The following RABGAP1L variants were observed in gnomAD, a reference collection of about 807,000 sequenced individuals.
The protein encoded by RABGAP1L is rab GTPase-activating protein 1-like.
A neutral mutation model predicts 137.7 loss-of-function variants in RABGAP1L; 63 were observed. The observed-to-expected ratio is 0.46, with a 90% CI of 0.37 to 0.56. The LOEUF (loss-of-function observed/expected upper bound fraction) is 0.56. RABGAP1L is among the 20% of genes least tolerant of loss of function. RABGAP1L has a pLI of 0.00. For missense variants in RABGAP1L, 1,095 were observed against 1,244.0 expected (o/e 0.88, Z 1.80); for synonymous variants, 431 against 433.7 (o/e 0.99, Z 0.08).
intron 1 of RABGAP1L, among the ~76,000 whole-genome samples, chr1:174,204,093 G>A (rs61828577): frequency 0.13 from 19,198 of 152,052 alleles, 1,311 homozygotes; most frequent in East Asian, 0.22. Context: ...TGGGATTTCA[G>A]GCATGTGCCA....
At chr1:174,232,266 G>T (rs1670724446) in intron 4 of RABGAP1L, among the ~76,000 whole-genome samples, 1 of 152,174 alleles carries the variant, frequency 6.6e-6, no homozygotes, top group African/African-American at 2.4e-5. Flanking sequence ...CCAGCACTTT[G>T]GGAGGCTGAG....
At chr1:174,872,664 G>A (rs547015093) in intron 19 of RABGAP1L, among the ~76,000 whole-genome samples, 10 of 151,134 alleles carry the variant, frequency 6.6e-5, no homozygotes, top group Non-Finnish European at 1.5e-4. Context: ...TGGGTTCCCC[G>A]CAAATAGCTG....
At chr1:174,714,390 T>A (rs1362382932) in intron 17 of RABGAP1L, among the ~76,000 whole-genome samples, 3 of 152,168 alleles carry the variant, frequency 2.0e-5, no homozygotes, top group Non-Finnish European at 4.4e-5. Flanking sequence ...GATTATAAAT[T>A]TCTGAAAGGA....
At chr1:174,850,791 T>C (rs1290940979) in intron 19 of RABGAP1L, among the ~76,000 whole-genome samples, 3 of 152,228 alleles carry the variant, frequency 2.0e-5, no homozygotes, top group Non-Finnish European at 4.4e-5. Context: ...TCGAATCATA[T>C]GAGCCTTGAA....
intron 19 of RABGAP1L, among the ~76,000 whole-genome samples, chr1:174,937,670 T>G (rs1211568818): frequency 7.4e-6 from 1 of 134,288 alleles, no homozygotes; most frequent in African/African-American, 3.2e-5. Flanking sequence ...TGTATTACAG[T>G]GCTTGGTGCT....
chr1:174,164,316 G>A (rs189549715), intron 1 of RABGAP1L, among the ~76,000 whole-genome samples: 80 of 152,224 alleles, frequency 5.3e-4, no homozygotes, highest in Admixed American at 2.0e-3. Flanking sequence ...AGAGACATCT[G>A]TAACCAAGAG....
At chr1:174,760,266 C>G (rs1162540985) in intron 18 of RABGAP1L, among the ~76,000 whole-genome samples, 1 of 151,804 alleles carries the variant, frequency 6.6e-6, no homozygotes, top group East Asian at 1.9e-4. Flanking sequence ...GTTTGGTATA[C>G]AGATTATTTC....
At chr1:174,740,342 G>A (rs974178567) in intron 17 of RABGAP1L, among the ~76,000 whole-genome samples, 3 of 152,136 alleles carry the variant, frequency 2.0e-5, no homozygotes, top group Non-Finnish European at 4.4e-5. Flanking sequence ...AGAAGAGAAA[G>A]GGTCCCCAAA....
At chr1:174,966,554 C>A (rs79328856) in intron 20 of RABGAP1L, among the ~76,000 whole-genome samples, 6 of 152,088 alleles carry the variant, frequency 3.9e-5, no homozygotes, top group African/African-American at 1.2e-4. Flanking sequence ...CTCTCCAGCC[C>A]CTGCTAGAAA....
At chr1:174,572,299 G>GA (rs1668040285) in intron 13 of RABGAP1L, among the ~76,000 whole-genome samples, 1 of 152,292 alleles carries the variant, frequency 6.6e-6, no homozygotes, top group Non-Finnish European at 1.5e-5. Flanking sequence ...CCTTAAGGAA[G>GA]AAATGTTAAA....
intron 19 of RABGAP1L, among the ~76,000 whole-genome samples, chr1:174,911,117 A>T (rs529357566): frequency 1.1e-3 from 161 of 152,124 alleles, no homozygotes; most frequent in Non-Finnish European, 2.1e-3. Flanking sequence ...ATCTATTCAG[A>T]TTTTTTACCT....
At chr1:174,981,753 T>C (rs1671151851) in intron 23 of RABGAP1L, among the ~76,000 whole-genome samples, 1 of 152,048 alleles carries the variant, frequency 6.6e-6, no homozygotes, top group South Asian at 2.1e-4. Context: ...CTTATTTATC[T>C]AGATTTTTTC....
At chr1:174,396,331 A>G (rs568468238) in intron 13 of RABGAP1L, among the ~76,000 whole-genome samples, 1 of 152,268 alleles carries the variant, frequency 6.6e-6, no homozygotes, top group African/African-American at 2.4e-5. Context: ...TGTTTAACAC[A>G]ATAGAAAAAT....
chr1:174,852,673 G>A (rs772015526), intron 19 of RABGAP1L, among the ~76,000 whole-genome samples: 2 of 152,064 alleles, frequency 1.3e-5, no homozygotes, highest in Non-Finnish European at 1.5e-5. Context: ...AAAATTAGCT[G>A]GGCGTGTTGG....
intron 19 of RABGAP1L, among the ~76,000 whole-genome samples, chr1:174,945,313 A>C (rs903700070): frequency 1.3e-5 from 2 of 152,222 alleles, no homozygotes; most frequent in African/African-American, 4.8e-5. Flanking sequence ...ACTGTACTAA[A>C]ATTTTTAAGT....
At chr1:174,816,147 C>CTTTTTTTT (rs67065448) in intron 19 of RABGAP1L, among the ~76,000 whole-genome samples, 15 of 86,182 alleles carry the variant, frequency 1.7e-4, no homozygotes, top group Admixed American at 3.3e-4. Context: ...TAATACATAG[C>CTTTTTTTT]TTTTTTTTTT....
rs1479493756 is a variant in RABGAP1L, at chr1:174,498,754, A to G, written c.1710+104609A>G. Among the ~76,000 whole-genome samples the G allele has an allele frequency of 2.7e-5, 4 of 149,844 alleles. No homozygotes were observed. The East Asian group carries it at 5.9e-4, about 22-fold the overall frequency. On this transcript the variant is annotated intron_variant, in intron 13 of 25. Coordinates refer to ENST00000681986, the MANE Select transcript of RABGAP1L (RefSeq NM_001366446.1). ...TTGAACTCGCGACCTCAAGTGACCT[A>G]CCAACCTCGGCCTCCCAAAGTGCTA...
intron 13 of RABGAP1L, among the ~76,000 whole-genome samples, chr1:174,636,802 T>C (rs1674081705): frequency 6.6e-6 from 1 of 152,154 alleles, no homozygotes. Flanking sequence ...TGGAAATGCA[T>C]GTAACTTTTG....
intron 17 of RABGAP1L, among the ~76,000 whole-genome samples, chr1:174,740,429 T>C (rs1368662355): frequency 2.6e-5 from 4 of 152,124 alleles, no homozygotes; most frequent in Non-Finnish European, 4.4e-5. Flanking sequence ...GAAAGTTTAC[T>C]ATGCATAGCA....
Sources: allele counts gnomAD v4.1 joint callset (sites outside exome capture counted in the v4.1 genomes callset), GRCh38; gene constraint gnomAD v4.1.1; transcripts MANE v1.5; gene names NCBI Gene and HGNC (gene_info 2026-07-23, HGNC 2026-07-21).